The following UBE2E2 variants were observed in gnomAD, a reference collection of about 807,000 sequenced individuals.
UBE2E2 encodes the protein ubiquitin-conjugating enzyme E2 E2.
Under a neutral mutation model 24.7 loss-of-function variants are expected in UBE2E2, and 6 were observed. The observed-to-expected ratio is 0.24, with a 90% CI of 0.13 to 0.48. The LOEUF (loss-of-function observed/expected upper bound fraction) is 0.48, where lower values mean the gene tolerates loss of function less well. UBE2E2 is among the 20% of genes least tolerant of loss of function. The pLI is 0.99. For synonymous variants in UBE2E2, 104 were observed against 83.6 expected (o/e 1.24, Z -1.33); for missense variants, 169 against 245.0 (o/e 0.69, Z 2.07).
chr3:23,206,226 G>A (rs1244266794), intron 1 of UBE2E2, among the ~76,000 whole-genome samples: 2 of 151,748 alleles, frequency 1.3e-5, no homozygotes, highest in African/African-American at 2.4e-5. Context: ...CATGCATGCC[G>A]CCCTATCTGA....
chr3:23,397,917 C>G (rs1697117594), intron 3 of UBE2E2, among the ~76,000 whole-genome samples: 1 of 152,114 alleles, frequency 6.6e-6, no homozygotes, highest in African/African-American at 2.4e-5. Context: ...AAACTAATTT[C>G]TCCCTAATTC....
At chr3:23,358,743 T>A (rs938382975) in intron 3 of UBE2E2, among the ~76,000 whole-genome samples, 2 of 152,232 alleles carry the variant, frequency 1.3e-5, no homozygotes, top group Non-Finnish European at 2.9e-5. Context: ...ATCTAAATAT[T>A]TCTTGCTATG....
chr3:23,347,776 A>C (rs1695607004), intron 3 of UBE2E2, among the ~76,000 whole-genome samples: 1 of 152,166 alleles, frequency 6.6e-6, no homozygotes, highest in Admixed American at 6.5e-5. Context: ...CCTCTCACCA[A>C]CTACTACTTC....
At chr3:23,513,174 A>G (rs1694647806) in intron 4 of UBE2E2, among the ~76,000 whole-genome samples, 1 of 152,102 alleles carries the variant, frequency 6.6e-6, no homozygotes, top group South Asian at 2.1e-4. Context: ...TCTTCCAGAC[A>G]TCACTACTTC....
intron 2 of UBE2E2, 69 bp downstream of exon 2, chr3:23,208,944 G>A: frequency 7.1e-7 from 1 of 1,413,862 alleles, no homozygotes; most frequent in Non-Finnish European, 9.4e-7. Flanking sequence ...TTTTTCTCTT[G>A]CATTTAATCA....
chr3:23,560,062 A>G (rs1274144467), intron 5 of UBE2E2, among the ~76,000 whole-genome samples: 1 of 152,002 alleles, frequency 6.6e-6, no homozygotes, highest in Non-Finnish European at 1.5e-5. Flanking sequence ...ATATGTATAT[A>G]TGTATTTTTT....
intron 3 of UBE2E2, among the ~76,000 whole-genome samples, chr3:23,393,665 C>T (rs1280232726): frequency 1.3e-5 from 2 of 152,088 alleles, no homozygotes; most frequent in African/African-American, 4.8e-5. Context: ...TTTTATGAAA[C>T]AATAATGCTT....
chr3:23,425,795 C>G (rs1387633817), intron 3 of UBE2E2, among the ~76,000 whole-genome samples: 1 of 151,938 alleles, frequency 6.6e-6, no homozygotes. Context: ...CTTTCTTAGC[C>G]CTATTTTCTG....
At chr3:23,373,775 C>T (rs1696453957) in intron 3 of UBE2E2, among the ~76,000 whole-genome samples, 1 of 152,076 alleles carries the variant, frequency 6.6e-6, no homozygotes, top group African/African-American at 2.4e-5. Context: ...TAAATTGCTT[C>T]CCCTTTTATT....
intron 3 of UBE2E2, among the ~76,000 whole-genome samples, chr3:23,429,440 C>G (rs1281194068): frequency 2.0e-5 from 3 of 152,102 alleles, no homozygotes; most frequent in African/African-American, 7.2e-5. Flanking sequence ...TACACCATGA[C>G]CAAATGGGAT....
chr3:23,208,213 T>C (rs564684025), intron 1 of UBE2E2, among the ~76,000 whole-genome samples: 1 of 152,292 alleles, frequency 6.6e-6, no homozygotes, highest in East Asian at 1.9e-4. Context: ...CTGAATTTTA[T>C]GTTTATGGAT....
chr3:23,208,774 A>C lies in UBE2E2; in HGVS notation c.75A>C (p.Glu25Asp), dbSNP rs1328734568. The change falls in exon 2 of 6, where the codon GAA (glutamate) becomes GAC (aspartate). Residue 25 changes from glutamate (E) to aspartate (D), a missense_variant. By Grantham distance (45) the Glu-to-Asp change is conservative. Transcript: ENST00000396703. ...GAAGTTCCGATGGAGATCAACGTGA[A>C]AGTGTTCAGCAAGAACCAGAAAGAG... ...SGGSSDGDQRESVQQEPEREQ... is the reference protein window; with the variant it reads ...SGGSSDGDQRDSVQQEPEREQ... 1 of 1,613,874 alleles carries C rather than the reference A, an allele frequency of 6.2e-7. No homozygotes were observed. Among genetic ancestry groups the C allele is most frequent in the Non-Finnish European group, 8.5e-7 (1 of 1,179,838 alleles).
rs1559408373 is a variant in UBE2E2 at position 23,515,123 on chromosome 3, GTGTGT to G, written c.360+15384_360+15388del. Among the ~76,000 whole-genome samples, 22 of 18,948 alleles carry G rather than the reference GTGTGT, an allele frequency of 1.2e-3. No homozygotes were observed. The African/African-American group carries it at 0.029, about 25-fold the overall frequency. 12.4% of individuals were successfully genotyped at this position (18,948 alleles called of 152,430 possible). Reference sequence around the variant, plus strand: ...TGTAGGGACAAAATAAACTTGGGGTGTGTGTGTGTGTGTGTGTGTGTGTGTGTGTG... The same window carrying G: ...TGTAGGGACAAAATAAACTTGGGGTGGTGTGTGTGTGTGTGTGTGTGTGTG... On this transcript the variant is annotated intron_variant, in intron 4 of 5. Transcript: ENST00000396703.
At chr3:23,370,691 A>G (rs1038350877) in intron 3 of UBE2E2, among the ~76,000 whole-genome samples, 1 of 152,206 alleles carries the variant, frequency 6.6e-6, no homozygotes, top group Non-Finnish European at 1.5e-5. Flanking sequence ...CCTGTGAAGG[A>G]GATGGAGGAG....
At chr3:23,208,914 A>G in intron 2 of UBE2E2, 39 bp downstream of exon 2, 2 of 1,537,460 alleles carry the variant, frequency 1.3e-6, no homozygotes, top group African/African-American at 1.4e-5. Context: ...GTTGGTATCA[A>G]TTTATCATCT....
chr3:23,517,500 A>G (rs563692086), intron 4 of UBE2E2, among the ~76,000 whole-genome samples: 3 of 152,274 alleles, frequency 2.0e-5, no homozygotes, highest in South Asian at 2.1e-4. Context: ...TAATTATGGT[A>G]TGTGTGGCCT....
chr3:23,210,983 C>T (rs1057317348), intron 2 of UBE2E2, among the ~76,000 whole-genome samples: 2 of 152,114 alleles, frequency 1.3e-5, no homozygotes, highest in South Asian at 4.1e-4. Flanking sequence ...TCCAATTCAG[C>T]TGATAGTGAA....
intron 3 of UBE2E2, among the ~76,000 whole-genome samples, chr3:23,379,187 G>A (rs1402845186): frequency 6.6e-6 from 1 of 152,036 alleles, no homozygotes; most frequent in Non-Finnish European, 1.5e-5. Flanking sequence ...CTGAAGAAAT[G>A]TTCCACAGAG....
chr3:23,542,829 T>A (rs887715935), intron 5 of UBE2E2, among the ~76,000 whole-genome samples: 1 of 152,230 alleles, frequency 6.6e-6, no homozygotes, highest in East Asian at 1.9e-4. Context: ...GGTTATAATC[T>A]TGGTGTAAAT....
Sources: allele counts gnomAD v4.1 joint callset (sites outside exome capture counted in the v4.1 genomes callset), GRCh38; gene constraint gnomAD v4.1.1; transcripts MANE v1.5; gene names NCBI Gene and HGNC (gene_info 2026-07-23, HGNC 2026-07-21).